MRTFB: variants seen among roughly 807,000 people sequenced by gnomAD.
MRTFB encodes myocardin related transcription factor B.
Under a neutral mutation model 104.2 loss-of-function variants are expected in MRTFB, and 29 were observed. The ratio of observed to expected loss-of-function variants is 0.28; its 90% CI spans 0.21 to 0.38. The LOEUF is 0.38. MRTFB is among the 10% of genes least tolerant of loss of function. The pLI, the probability that MRTFB is intolerant of heterozygous loss-of-function variation, is 1.00. For missense variants in MRTFB, 1,270 were observed against 1,341.6 expected (o/e 0.95, Z 0.83); for synonymous variants, 535 against 519.5 (o/e 1.03, Z -0.41).
Position 14,205,642 on chromosome 16 carries a change from G to C in MRTFB, c.155-4601G>C, listed in dbSNP as rs141822835. 1.8e-3 allele frequency among the ~76,000 whole-genome samples: 272 copies of C among 152,306 alleles called. 1 individual carries two copies. The highest frequency in any genetic ancestry group is 3.2e-3 in the Non-Finnish European group (220 of 68,030). On this transcript the variant is annotated intron_variant, in intron 3 of 16. Coordinates refer to ENST00000571589, the MANE Select transcript of MRTFB (RefSeq NM_001308142.2). Reference sequence around the variant, plus strand: ...ATTCTTTGAAAATGTTCAAATGTGAGCAATTGTAACATGAAGTCTGTTTAT... The same window carrying C: ...ATTCTTTGAAAATGTTCAAATGTGACCAATTGTAACATGAAGTCTGTTTAT...
chr16:14,087,387 G>T (rs913081968), intron 2 of MRTFB, among the ~76,000 whole-genome samples: 1 of 152,140 alleles, frequency 6.6e-6, no homozygotes, highest in African/African-American at 2.4e-5. Context: ...TTTGTTTAGT[G>T]TTGCGGCATG....
the MRTFB span, among the ~76,000 whole-genome samples, chr16:13,998,871 C>CAAAAAAA: frequency 1.6e-3 from 47 of 29,686 alleles, 14 homozygotes; most frequent in Non-Finnish European, 2.1e-3. Flanking sequence ...GACTCTGTTT[C>CAAAAAAA]AAAAAAAAAA....
At chr16:14,104,180 C>T (rs1329951225) in intron 2 of MRTFB, among the ~76,000 whole-genome samples, 23 of 152,048 alleles carry the variant, frequency 1.5e-4, no homozygotes. Context: ...GAGGCCAGGC[C>T]CTGAACTGAA....
the MRTFB span, among the ~76,000 whole-genome samples, chr16:14,006,521 A>G: frequency 2.0e-5 from 3 of 151,920 alleles, no homozygotes; most frequent in East Asian, 3.9e-4. Flanking sequence ...TCAAAAAAAA[A>G]AAAAGAAACG....
intron 3 of MRTFB, among the ~76,000 whole-genome samples, chr16:14,146,342 C>T (rs901443852): frequency 2.0e-5 from 3 of 152,124 alleles, no homozygotes; most frequent in Non-Finnish European, 2.9e-5. Context: ...TGACATTTGC[C>T]GTTCTTATTT....
At chr16:14,016,721 C>CGAGAT in the MRTFB span, among the ~76,000 whole-genome samples, 1 of 140,042 alleles carries the variant, frequency 7.1e-6, no homozygotes, top group East Asian at 2.2e-4. Context: ...TGCGGCGAGC[C>CGAGAT]GAGATCACAC....
intron 3 of MRTFB, among the ~76,000 whole-genome samples, chr16:14,188,915 C>T (rs746428011): frequency 3.9e-5 from 6 of 151,964 alleles, no homozygotes; most frequent in Admixed American, 6.6e-5. Context: ...TTGTTAAATT[C>T]GTTGATATAA....
the MRTFB span, among the ~76,000 whole-genome samples, chr16:13,999,749 G>A: frequency 2.6e-5 from 4 of 152,132 alleles, no homozygotes; most frequent in African/African-American, 9.7e-5. Flanking sequence ...ATCGAGCCTC[G>A]CCTGAAGCCA....
At chr16:14,034,264 C>A in the MRTFB span, among the ~76,000 whole-genome samples, 2 of 152,212 alleles carry the variant, frequency 1.3e-5, no homozygotes, top group East Asian at 3.8e-4. Context: ...TGAGGGAGAA[C>A]CTGTCCCCAC....
intron 3 of MRTFB, among the ~76,000 whole-genome samples, chr16:14,160,698 G>A (rs1410620654): frequency 6.6e-6 from 1 of 151,500 alleles, no homozygotes; most frequent in African/African-American, 2.4e-5. Flanking sequence ...AAAAAAAAAA[G>A]CTTTCTTTTC....
At chr16:14,027,160 C>T in the MRTFB span, among the ~76,000 whole-genome samples, 1 of 152,068 alleles carries the variant, frequency 6.6e-6, no homozygotes, top group Admixed American at 6.6e-5. Context: ...CCCAAATTTC[C>T]ATCAACAGAC....
chr16:14,010,434 G>A, the MRTFB span, among the ~76,000 whole-genome samples: 1 of 151,858 alleles, frequency 6.6e-6, no homozygotes, highest in African/African-American at 2.4e-5. Flanking sequence ...TCAGCTTCCC[G>A]AGTAGCTGGG....
At chr16:14,175,048 C>A (rs1342120943) in intron 3 of MRTFB, among the ~76,000 whole-genome samples, 6 of 152,042 alleles carry the variant, frequency 3.9e-5, no homozygotes, top group Admixed American at 3.3e-4. Context: ...AGGTAAATTT[C>A]TCTTGCATTA....
At chr16:14,179,940 C>T (rs1002528039) in intron 3 of MRTFB, among the ~76,000 whole-genome samples, 1 of 152,176 alleles carries the variant, frequency 6.6e-6, no homozygotes, top group Non-Finnish European at 1.5e-5. Flanking sequence ...TTAGTGGACT[C>T]CTCTTGTTGA....
chr16:14,252,544 T>G (rs779029984), intron 15 of MRTFB, 42 bp downstream of exon 15: 1 of 1,610,962 alleles, frequency 6.2e-7, no homozygotes, highest in South Asian at 1.1e-5. Flanking sequence ...CTATGGTGGA[T>G]GTGCCCACGT....
chr16:14,069,359 GA>G (rs764885935), upstream of MRTFB, among the ~76,000 whole-genome samples: 9 of 152,326 alleles, frequency 5.9e-5, no homozygotes, highest in Non-Finnish European at 1.3e-4. Flanking sequence ...TACACCATCA[GA>G]TTCCCTGGTT....
the MRTFB span, among the ~76,000 whole-genome samples, chr16:14,059,310 C>T: frequency 1.2e-4 from 18 of 152,036 alleles, no homozygotes; most frequent in African/African-American, 4.3e-4. Context: ...ACTACAGAAG[C>T]CTAGAACTTA....
At chr16:14,209,154 G>A (rs1424292232) in intron 3 of MRTFB, among the ~76,000 whole-genome samples, 6 of 152,212 alleles carry the variant, frequency 3.9e-5, no homozygotes, top group Non-Finnish European at 7.3e-5. Context: ...ACGTGCCTGC[G>A]TCTGCAGGCC....
At position 14,246,700 on chromosome 16, in the gene MRTFB, T is replaced by A; in HGVS notation, c.1440T>A (p.Thr480=). 6.2e-7 allele frequency: 1 copy of A among 1,614,152 alleles called. No homozygotes were observed. The highest frequency in any genetic ancestry group is 2.2e-5 in the East Asian group (1 of 44,872). Residue 480 remains threonine, a synonymous_variant, in exon 12 of 17, where the codon ACT becomes ACA. Coordinates refer to ENST00000571589, the MANE Select transcript of MRTFB (RefSeq NM_001308142.2). ...ACACTGTGACTAGCTCAGTCTCTACTCTCAAGGCAGAATTGCCACCTACAG... is the reference window on the plus strand; with the variant it reads ...ACACTGTGACTAGCTCAGTCTCTACACTCAAGGCAGAATTGCCACCTACAG... ...LHNTVTSSVS[T]LKAELPPTGT...
Sources: gnomAD v4.1 joint callset for allele counts (sites outside exome capture counted in the v4.1 genomes callset) on GRCh38, gnomAD v4.1.1 for gene constraint, MANE v1.5 for transcripts, NCBI Gene and HGNC (gene_info 2026-07-23, HGNC 2026-07-21) for gene names.